The following CDK14 variants were observed in gnomAD, a reference collection of about 807,000 sequenced individuals.
CDK14 encodes the protein cyclin dependent kinase 14, also known as cyclin-dependent kinase 14.
In CDK14, 34 loss-of-function variants were observed where a neutral mutation model predicts 60.7. The observed-to-expected ratio is 0.56, with a 90% CI of 0.43 to 0.75. CDK14 has a LOEUF of 0.75. CDK14 is among the 30% of genes least tolerant of loss of function. The probability of loss-of-function intolerance (pLI) is 0.00; values close to 1 mark genes in which losing one functional copy is unlikely to be tolerated. For synonymous variants in CDK14, 197 were observed against 203.7 expected (o/e 0.97, Z 0.28); for missense variants, 482 against 564.1 (o/e 0.85, Z 1.47).
Position 91,091,501 on chromosome 7 carries a change from T to TTATATATATATATATATATA in CDK14, c.1154+12037_1154+12038insTATATATATATATATATATA, listed in dbSNP as rs56670195. 5.2e-3 allele frequency among the ~76,000 whole-genome samples: 465 copies of TTATATATATATATATATATA among 88,968 alleles called. 44 individuals carry two copies. Among genetic ancestry groups the TTATATATATATATATATATA allele is most frequent in the African/African-American group, 0.016 (375 of 23,012 alleles). 58.4% of individuals were successfully genotyped at this position (88,968 alleles called of 152,430 possible). ...TATATGTATATGTAGTTTATATATT[T>TTATATATATATATATATATA]TATATATATATATATAAATTAGCCA... On this transcript the variant is annotated intron_variant, in intron 12 of 14. Transcript: ENST00000380050.
intron 11 of CDK14, among the ~76,000 whole-genome samples, chr7:91,060,140 C>G (rs1205033219): frequency 6.6e-6 from 1 of 152,032 alleles, no homozygotes; most frequent in African/African-American, 2.4e-5. Flanking sequence ...TTGAATTGAT[C>G]CCTTTACCAT....
intron 14 of CDK14, among the ~76,000 whole-genome samples, chr7:91,156,058 A>C (rs1181088982): frequency 6.6e-6 from 1 of 152,320 alleles, no homozygotes; most frequent in Admixed American, 6.5e-5. Context: ...CGCTGTTATT[A>C]CATTTTAAGG....
intron 11 of CDK14, among the ~76,000 whole-genome samples, chr7:91,072,454 A>T (rs1798178523): frequency 6.6e-6 from 1 of 152,092 alleles, no homozygotes; most frequent in African/African-American, 2.4e-5. Flanking sequence ...GAAAGAAAAA[A>T]CAAACAAACA....
Position 90,941,132 on chromosome 7 carries a change from A to G in CDK14, c.827-14565A>G, listed in dbSNP as rs764119096. 1.2e-4 allele frequency among the ~76,000 whole-genome samples: 19 copies of G among 152,190 alleles called. 1 individual carries two copies. Among genetic ancestry groups the G allele is most frequent in the Non-Finnish European group, 2.6e-4 (18 of 68,028 alleles). On this transcript the variant is annotated intron_variant, in intron 8 of 14. Coordinates refer to ENST00000380050, the MANE Select transcript of CDK14 (RefSeq NM_001287135.2). ...TCTTGAGGAAGTCCACAACAGGGAAAAATAACTTGTAACTTCAGTAATCAA... is the reference window on the plus strand; with the variant it reads ...TCTTGAGGAAGTCCACAACAGGGAAGAATAACTTGTAACTTCAGTAATCAA...
chr7:90,732,280 G>A (rs890315513), intron 3 of CDK14, among the ~76,000 whole-genome samples: 2 of 152,132 alleles, frequency 1.3e-5, no homozygotes, highest in African/African-American at 4.8e-5. Flanking sequence ...ATGTTCATCA[G>A]GGATATTGGC....
At chr7:90,890,374 ATAGATAGGTAGG>A (rs1319869187) in intron 6 of CDK14, among the ~76,000 whole-genome samples, 3 of 152,284 alleles carry the variant, frequency 2.0e-5, no homozygotes, top group East Asian at 1.9e-4. Context: ...CCCTGTCTCA[ATAGATAGGTAGG>A]TAGATAGGTA....
chr7:90,963,090 T>A (rs1450311709), intron 9 of CDK14, among the ~76,000 whole-genome samples: 15 of 81,808 alleles, frequency 1.8e-4, no homozygotes, highest in African/African-American at 2.8e-4. Flanking sequence ...CTTAAGAGTG[T>A]GTGTGTGTGT....
intron 5 of CDK14, among the ~76,000 whole-genome samples, chr7:90,798,475 G>A (rs1788520767): frequency 6.6e-6 from 1 of 152,182 alleles, no homozygotes; most frequent in Admixed American, 6.5e-5. Context: ...CATTGATGAG[G>A]AAGCAGCATG....
At chr7:90,914,596 G>A (rs1208592093) in intron 7 of CDK14, among the ~76,000 whole-genome samples, 2 of 152,126 alleles carry the variant, frequency 1.3e-5, no homozygotes, top group African/African-American at 4.8e-5. Flanking sequence ...TGTCATGTTT[G>A]GGGCTTAATT....
At chr7:91,064,224 A>C (rs1325498803) in intron 11 of CDK14, among the ~76,000 whole-genome samples, 1 of 152,174 alleles carries the variant, frequency 6.6e-6, no homozygotes, top group African/African-American at 2.4e-5. Context: ...GTTGCTGGTC[A>C]AGGAGTTTTG....
chr7:90,984,275 T>A (rs1334879893), intron 10 of CDK14, 34 bp downstream of exon 10: 3 of 1,395,942 alleles, frequency 2.1e-6, no homozygotes, highest in African/African-American at 1.4e-5. Context: ...TAAGAAAAAT[T>A]GGTTTCTAAT....
chr7:90,792,100 C>T (rs1805856468), intron 5 of CDK14, among the ~76,000 whole-genome samples: 1 of 151,866 alleles, frequency 6.6e-6, no homozygotes, highest in Non-Finnish European at 1.5e-5. Flanking sequence ...TGGGGTTTCA[C>T]CGTGTTGGCC....
At chr7:90,700,739 G>A (rs1398896039) in intron 2 of CDK14, among the ~76,000 whole-genome samples, 1 of 152,096 alleles carries the variant, frequency 6.6e-6, no homozygotes, top group Non-Finnish European at 1.5e-5. Flanking sequence ...TACCTAAAGT[G>A]AAAATCTGCC....
At chr7:90,986,033 A>T (rs2115656428) in intron 10 of CDK14, among the ~76,000 whole-genome samples, 1 of 152,260 alleles carries the variant, frequency 6.6e-6, no homozygotes, top group South Asian at 2.1e-4. Context: ...GTATTTGGAC[A>T]TATATCTTCT....
At chr7:90,618,677 A>C (rs753991211) in intron 2 of CDK14, among the ~76,000 whole-genome samples, 9 of 152,160 alleles carry the variant, frequency 5.9e-5, no homozygotes, top group Non-Finnish European at 1.2e-4. Flanking sequence ...CTGCTATTAG[A>C]GCACAGAATT....
At chr7:90,615,380 A>G (rs1799630249) in intron 2 of CDK14, among the ~76,000 whole-genome samples, 1 of 152,208 alleles carries the variant, frequency 6.6e-6, no homozygotes, top group Non-Finnish European at 1.5e-5. Flanking sequence ...GTCTCTGACT[A>G]CCCTCATGTA....
intron 8 of CDK14, among the ~76,000 whole-genome samples, chr7:90,927,166 T>C (rs1793442937): frequency 6.6e-6 from 1 of 152,154 alleles, no homozygotes; most frequent in South Asian, 2.1e-4. Context: ...GGTGACTAAC[T>C]CATCTTTAGC....
chr7:90,857,974 G>C (rs57905857), intron 5 of CDK14, among the ~76,000 whole-genome samples: 4,608 of 152,246 alleles, frequency 0.03, 225 homozygotes, highest in African/African-American at 0.1. Context: ...GCTTTTCCAA[G>C]TATGAATTCA....
At chr7:90,951,138 C>T (rs1794247573) in intron 8 of CDK14, among the ~76,000 whole-genome samples, 1 of 152,166 alleles carries the variant, frequency 6.6e-6, no homozygotes, top group South Asian at 2.1e-4. Flanking sequence ...CAAGTCTTTC[C>T]CTTCCCAGTG....
Sources: allele counts gnomAD v4.1 joint callset (sites outside exome capture counted in the v4.1 genomes callset), GRCh38; gene constraint gnomAD v4.1.1; transcripts MANE v1.5; gene names NCBI Gene and HGNC (gene_info 2026-07-23, HGNC 2026-07-21).